Variants in PKHD1L1 observed in about 807,000 individuals in gnomAD.
PKHD1L1 encodes PKHD1 like 1.
PKHD1L1 carries 434 observed loss-of-function variants against 462.9 expected under a neutral mutation model. That is an observed-to-expected ratio of 0.94 (90% CI 0.87 to 1.02). The LOEUF (loss-of-function observed/expected upper bound fraction) is 1.02, where lower values mean the gene tolerates loss of function less well. Among genes scored for constraint, PKHD1L1 ranks in the 50% least tolerant of loss-of-function variants. The pLI, the probability that PKHD1L1 is intolerant of heterozygous loss-of-function variation, is 0.00. For synonymous variants in PKHD1L1, 1,781 were observed against 1,750.0 expected (o/e 1.02, Z -0.44); for missense variants, 5,202 against 5,096.1 (o/e 1.02, Z -0.63).
rs935119959 is a variant in PKHD1L1, at chr8:109,535,870, T to C, written c.*5780T>C. ...CTTGGCAACAGATCTTGGTATGAAATAAATATCCCATGAGTAGTACATAAA... is the reference window on the plus strand; with the variant it reads ...CTTGGCAACAGATCTTGGTATGAAACAAATATCCCATGAGTAGTACATAAA... On this transcript the variant is annotated 3_prime_UTR_variant, in exon 78 of 78. Transcript: ENST00000378402. 1.3e-5 allele frequency among the ~76,000 whole-genome samples: 2 copies of C among 152,054 alleles called. No individual in the cohort carries two copies. The highest frequency in any genetic ancestry group is 2.9e-5 in the Non-Finnish European group (2 of 67,998).
rs1204199341 is a variant in PKHD1L1 at position 109,464,714 on chromosome 8, G to A, written c.7882G>A (p.Glu2628Lys). ...SQGWFGMWIF[E>K]EYFPMQTGSC... ...AGGTTGGTTTGGAATGTGGATCTTT[G>A]AGGAATATTTCCCCATGCAAACGGG... The change falls in exon 49 of 78, where the codon GAG becomes AAG. Residue 2628 changes from glutamate (E) to lysine (K), a missense_variant. This residue lies in a region of PKHD1L1 where 4,497 missense variants were observed against 4,336.8 expected (regional missense o/e 1.04). Coordinates refer to ENST00000378402, the MANE Select transcript of PKHD1L1 (RefSeq NM_177531.6). 2 of 1,613,662 alleles carry A rather than the reference G, an allele frequency of 1.2e-6. No individual in the cohort carries two copies. The highest frequency in any genetic ancestry group is 1.3e-5 in the African/African-American group (1 of 74,914).
intron 41 of PKHD1L1, 54 bp downstream of exon 41, chr8:109,451,203 A>C: frequency 6.6e-7 from 1 of 1,505,714 alleles, no homozygotes; most frequent in Non-Finnish European, 9.0e-7. Context: ...TTGAGCCATT[A>C]CTCCTGCTTT....
chr8:109,526,120 A>T (rs1783173), intron 76 of PKHD1L1, among the ~76,000 whole-genome samples: 28,697 of 152,112 alleles, frequency 0.19, 3,040 homozygotes, highest in East Asian at 0.33. Context: ...TAACCTGGAG[A>T]TTAAATAATA....
At chr8:109,458,783 A>C (rs1414844672) in intron 46 of PKHD1L1, among the ~76,000 whole-genome samples, 3 of 152,120 alleles carry the variant, frequency 2.0e-5, no homozygotes, top group Admixed American at 6.6e-5. Context: ...CAGCAATCAC[A>C]CTTTAGTAGA....
At chr8:109,439,530 A>G (rs1815652317) in intron 32 of PKHD1L1, among the ~76,000 whole-genome samples, 1 of 152,094 alleles carries the variant, frequency 6.6e-6, no homozygotes, top group African/African-American at 2.4e-5. Flanking sequence ...TGTGAGTTAG[A>G]GGTACCAGGT....
chr8:109,505,567 G>T (rs1461784726), intron 68 of PKHD1L1, among the ~76,000 whole-genome samples: 1 of 152,042 alleles, frequency 6.6e-6, no homozygotes, highest in Non-Finnish European at 1.5e-5. Context: ...ACCATTTTCA[G>T]CTTAGGGGAA....
rs775619852 is a variant in PKHD1L1, at chr8:109,464,823, A to G, written c.7991A>G (p.Asn2664Ser). The change falls in exon 49 of 78, where the codon AAT (asparagine) becomes AGT (serine). Residue 2664 changes from asparagine (N) to serine (S), a missense_variant. Physicochemically the swap from Asn to Ser is conservative, Grantham distance 46. Transcript: ENST00000378402. ...WNCQKGAEWV[N>S]GGALQFHNFV... ...TGTCAAAAAGGAGCTGAATGGGTCA[A>G]TGGAGGTGCCCTTCAGTTCCATAAC... 26 of 1,613,732 alleles carry G rather than the reference A, an allele frequency of 1.6e-5. No homozygotes were observed. Among genetic ancestry groups the G allele is most frequent in the African/African-American group, 6.7e-5 (5 of 74,910 alleles).
chr8:109,475,074 A>T, intron 50 of PKHD1L1, 44 bp from the exon 51 acceptor site: 1 of 1,519,152 alleles, frequency 6.6e-7, no homozygotes, highest in South Asian at 1.3e-5. Flanking sequence ...AGTTTATTAG[A>T]GGTAGAGATT....
rs932550459 is a variant in PKHD1L1 at position 109,382,472 on chromosome 8, G to A, written c.318G>A (p.Pro106=). The stretch of plus-strand genomic sequence containing the variant: ...TTCATTTTCTTTATAGAGCAATGCC[G>A]GAAGATTCCTACACTGTTAGAGTCA... The part of the protein sequence containing the change: ...TQITCYTRAM[P]EDSYTVRVSV... The change falls in exon 4 of 78, where the codon CCG becomes CCA. Residue 106 remains proline, a synonymous_variant. Coordinates refer to ENST00000378402, the MANE Select transcript of PKHD1L1 (RefSeq NM_177531.6). 24 of 1,603,444 alleles carry A rather than the reference G, an allele frequency of 1.5e-5. No individual in the cohort carries two copies. Among genetic ancestry groups the A allele is most frequent in the Middle Eastern group, 1.7e-4 (1 of 6,050 alleles).
intron 2 of PKHD1L1, among the ~76,000 whole-genome samples, chr8:109,365,930 C>A (rs530125623): frequency 6.6e-6 from 1 of 152,210 alleles, no homozygotes; most frequent in South Asian, 2.1e-4. Flanking sequence ...GCCGAGATCG[C>A]GCCACTGTAC....
intron 6 of PKHD1L1, among the ~76,000 whole-genome samples, chr8:109,386,995 G>T (rs1439259242): frequency 6.6e-6 from 1 of 152,102 alleles, no homozygotes; most frequent in Non-Finnish European, 1.5e-5. Context: ...TGTAAATATA[G>T]AATTTTTTCA....
At position 109,409,929 on chromosome 8, in the gene PKHD1L1, A is replaced by G. The variant is rs1301616187; in HGVS notation, c.2036A>G (p.Glu679Gly). Residue 679 changes from glutamate to glycine, a missense_variant, in exon 19 of 78, where the codon GAA becomes GGA. Around this residue, in one of 3 missense-constraint regions of PKHD1L1, gnomAD observed 4,497 missense variants for 4,336.8 expected, o/e 1.04. Transcript: ENST00000378402. ...CCACCACAAATTGCAAATTTTGAAG[A>G]AGGATTTGTTGTGAAATATTTCAGA... is the stretch of plus-strand genomic sequence containing the variant. ...KCPPQIANFE[E>G]GFVVKYFRDY... The G allele has an allele frequency of 1.9e-6, 3 of 1,607,476 alleles. No homozygotes were observed. Among genetic ancestry groups the G allele is most frequent in the Non-Finnish European group, 2.5e-6 (3 of 1,177,220 alleles).
intron 68 of PKHD1L1, among the ~76,000 whole-genome samples, chr8:109,506,560 G>T (rs543099656): frequency 2.2e-4 from 34 of 152,208 alleles, no homozygotes; most frequent in African/African-American, 7.9e-4. Flanking sequence ...TGGGAACCTA[G>T]ACTAAGAGCC....
chr8:109,435,113 G>A, intron 28 of PKHD1L1, 77 bp from the exon 29 acceptor site: 1 of 1,475,282 alleles, frequency 6.8e-7, no homozygotes, highest in African/African-American at 1.4e-5. Flanking sequence ...GCCAATGTTA[G>A]TATTTGCAAG....
chr8:109,523,673 G>A (rs1820675345), intron 76 of PKHD1L1, among the ~76,000 whole-genome samples: 1 of 152,068 alleles, frequency 6.6e-6, no homozygotes, highest in Non-Finnish European at 1.5e-5. Context: ...TACATTTATA[G>A]TAAGAAAAAT....
chr8:109,522,114 G>A, intron 73 of PKHD1L1, 72 bp from the exon 74 acceptor site: 1 of 1,405,970 alleles, frequency 7.1e-7, no homozygotes, highest in Non-Finnish European at 9.6e-7. Context: ...GAATGCTAAA[G>A]TGAAAAACTC....
At chr8:109,450,758 G>T (rs1019810780) in intron 40 of PKHD1L1, among the ~76,000 whole-genome samples, 5 of 152,190 alleles carry the variant, frequency 3.3e-5, no homozygotes, top group Non-Finnish European at 7.4e-5. Flanking sequence ...CCCCAGGAGG[G>T]TCGAAGGGCT....
intron 2 of PKHD1L1, among the ~76,000 whole-genome samples, chr8:109,380,876 C>T (rs1812073587): frequency 6.6e-6 from 1 of 152,122 alleles, no homozygotes; most frequent in African/African-American, 2.4e-5. Flanking sequence ...TGTTCTCCTC[C>T]TCTATTCTTT....
intron 70 of PKHD1L1, among the ~76,000 whole-genome samples, chr8:109,509,404 T>G (rs756654291): frequency 2.0e-5 from 3 of 151,988 alleles, no homozygotes; most frequent in Admixed American, 1.3e-4. Context: ...CAATACAAGT[T>G]TTCCATTTAT....
Sources: allele counts gnomAD v4.1 joint callset (sites outside exome capture counted in the v4.1 genomes callset), GRCh38; gene constraint gnomAD v4.1.1; regional missense constraint gnomAD v4.1.1; transcripts MANE v1.5; gene names NCBI Gene and HGNC (gene_info 2026-07-23, HGNC 2026-07-21).